The following CSGALNACT1 variants were observed in gnomAD, a reference collection of about 807,000 sequenced individuals.
CSGALNACT1 encodes beta4GalNAcT-1.
In CSGALNACT1, 52 loss-of-function variants were observed where a neutral mutation model predicts 51.0. The observed-to-expected ratio is 1.02, with a 90% confidence interval of 0.82 to 1.29. The LOEUF (loss-of-function observed/expected upper bound fraction) is 1.29. Among genes scored for constraint, CSGALNACT1 ranks in the 50% most tolerant of loss-of-function variants. The probability of loss-of-function intolerance (pLI) is 0.00; values close to 1 mark genes in which losing one functional copy is unlikely to be tolerated. For synonymous variants in CSGALNACT1, 341 were observed against 254.4 expected, an observed-to-expected ratio of 1.34 and a Z score of -3.24; for missense variants, 935 against 679.2, an observed-to-expected ratio of 1.38 and a Z score of -4.19.
chr8:19,525,113 A>C (rs997981626), intron 3 of CSGALNACT1, among the ~76,000 whole-genome samples: 2 of 152,208 alleles, frequency 1.3e-5, no homozygotes, highest in African/African-American at 2.4e-5. Context: ...TTCAGTATGG[A>C]AACTTTGTGT....
rs144042027 is a variant in CSGALNACT1, at chr8:19,416,735, G to A, written c.1227+1921C>T. ...CAACAGCCTGTACCATACAGCCTAC[G>A]TGTGTAGTTGGCTATGTTATGTAGG... On this transcript the variant is annotated intron_variant, in intron 8 of 9. Transcript: ENST00000454498. Among the ~76,000 whole-genome samples the A allele has an allele frequency of 3.4e-3, 515 of 152,318 alleles. 5 individuals carry two copies. The highest frequency in any genetic ancestry group is 0.014 in the Middle Eastern group (4 of 294).
chr8:19,711,866 C>G (rs145749050), intron 1 of CSGALNACT1, among the ~76,000 whole-genome samples: 1 of 152,316 alleles, frequency 6.6e-6, no homozygotes, highest in African/African-American at 2.4e-5. Flanking sequence ...ATGCCAGGCA[C>G]TACTGGGATG....
intron 1 of CSGALNACT1, among the ~76,000 whole-genome samples, chr8:19,741,347 G>A (rs1405986461): frequency 1.3e-5 from 2 of 152,138 alleles, no homozygotes; most frequent in East Asian, 1.9e-4. Context: ...GATGGATCAC[G>A]AGGTCAGGAG....
At chr8:19,740,915 C>G (rs896454608) in intron 1 of CSGALNACT1, among the ~76,000 whole-genome samples, 1 of 152,112 alleles carries the variant, frequency 6.6e-6, no homozygotes, top group Admixed American at 6.6e-5. Context: ...TATGTATTCA[C>G]AATTTATAAA....
In CSGALNACT1 at chr8:19,435,856, AT is replaced by A. The variant is rs2060290451; in HGVS notation, c.953+3973del. On this transcript the variant is annotated intron_variant, in intron 6 of 9. Coordinates refer to ENST00000454498, the Ensembl canonical transcript of CSGALNACT1. ...TTTTGACCATGATCCTTATAAAGGA[AT>A]ATATTACGCATCCTTATGCAGCACA... Among the ~76,000 whole-genome samples the A allele has an allele frequency of 1.3e-5, 2 of 152,208 alleles. 1 individual carries two copies. The highest frequency in any genetic ancestry group is 2.9e-5 in the Non-Finnish European group (2 of 68,028).
At chr8:19,642,555 G>C (rs1431852435) in intron 1 of CSGALNACT1, among the ~76,000 whole-genome samples, 2 of 152,116 alleles carry the variant, frequency 1.3e-5, no homozygotes, top group African/African-American at 2.4e-5. Flanking sequence ...TGGATCACTT[G>C]AGCTCAGGAG....
At chr8:19,466,787 G>A (rs1299748400) in intron 4 of CSGALNACT1, among the ~76,000 whole-genome samples, 2 of 152,154 alleles carry the variant, frequency 1.3e-5, no homozygotes, top group African/African-American at 4.8e-5. Flanking sequence ...CACATGTGGG[G>A]CCACAGAAAT....
chr8:19,469,640 C>G (rs13275706), intron 4 of CSGALNACT1, among the ~76,000 whole-genome samples: 61,937 of 151,992 alleles, frequency 0.41, 13,994 homozygotes, highest in East Asian at 0.86. Context: ...GACACTTCCC[C>G]AGGTCTGGCA....
chr8:19,505,379 A>C, exon 4 of CSGALNACT1: 3 of 1,614,170 alleles, frequency 1.9e-6, no homozygotes, highest in Non-Finnish European at 2.5e-6. Context: ...CCTTCTGTAG[A>C]GTAAAGCTAT....
chr8:19,499,579 C>T (rs2076065517), intron 4 of CSGALNACT1, among the ~76,000 whole-genome samples: 2 of 152,206 alleles, frequency 1.3e-5, no homozygotes, highest in African/African-American at 4.8e-5. Context: ...CCAGCTTCTG[C>T]AATTGCAACA....
chr8:19,617,118 A>T (rs116168919), intron 1 of CSGALNACT1, among the ~76,000 whole-genome samples: 3,639 of 152,288 alleles, frequency 0.024, 159 homozygotes, highest in African/African-American at 0.083. Context: ...AGGCATTACA[A>T]TCTCATAAGG....
chr8:19,730,332 G>C (rs181367189), intron 1 of CSGALNACT1, among the ~76,000 whole-genome samples: 1 of 152,250 alleles, frequency 6.6e-6, no homozygotes, highest in African/African-American at 2.4e-5. Context: ...GCTGCGGTGG[G>C]ATTTGAAAAT....
chr8:19,605,038 C>T (rs1346120138), upstream of CSGALNACT1, among the ~76,000 whole-genome samples: 1 of 152,082 alleles, frequency 6.6e-6, no homozygotes, highest in Non-Finnish European at 1.5e-5. Context: ...ACACAGCCCA[C>T]CCTGATCCCC....
At chr8:19,457,019 C>G (rs2064244210) in intron 5 of CSGALNACT1, among the ~76,000 whole-genome samples, 1 of 152,224 alleles carries the variant, frequency 6.6e-6, no homozygotes, top group Middle Eastern at 3.2e-3. Context: ...CAATAAAGAA[C>G]TTCCTATCCA....
intron 3 of CSGALNACT1, among the ~76,000 whole-genome samples, chr8:19,575,225 G>GT (rs2043924504): frequency 6.6e-6 from 1 of 152,096 alleles, no homozygotes; most frequent in African/African-American, 2.4e-5. Flanking sequence ...GAACATTGTG[G>GT]TTTTATTTTT....
intron 5 of CSGALNACT1, among the ~76,000 whole-genome samples, chr8:19,449,252 G>A (rs921376700): frequency 2.0e-5 from 3 of 152,138 alleles, no homozygotes; most frequent in Admixed American, 2.0e-4. Context: ...TCTTCAAAGA[G>A]AAACCGTTAT....
intron 1 of CSGALNACT1, among the ~76,000 whole-genome samples, chr8:19,712,865 G>C (rs945954364): frequency 3.3e-5 from 5 of 152,178 alleles, no homozygotes; most frequent in East Asian, 1.9e-4. Flanking sequence ...AAACATCCAA[G>C]TGCAGTTGGA....
intron 1 of CSGALNACT1, among the ~76,000 whole-genome samples, chr8:19,634,911 A>G (rs1407736483): frequency 6.6e-6 from 1 of 152,228 alleles, no homozygotes; most frequent in African/African-American, 2.4e-5. Context: ...GTGAGAACAC[A>G]ATGTAATATA....
intron 4 of CSGALNACT1, among the ~76,000 whole-genome samples, chr8:19,478,056 G>A (rs1586848972): frequency 6.6e-6 from 1 of 152,128 alleles, no homozygotes; most frequent in South Asian, 2.1e-4. Flanking sequence ...AGGTCTGGTG[G>A]TTCCCGTTAA....
Sources: gnomAD v4.1 joint callset for allele counts (sites outside exome capture counted in the v4.1 genomes callset) on GRCh38, gnomAD v4.1.1 for gene constraint, MANE v1.5 for transcripts, NCBI Gene and HGNC (gene_info 2026-07-23, HGNC 2026-07-21) for gene names.